CDK17: variants seen among roughly 807,000 people sequenced by gnomAD.
The protein encoded by CDK17 is cyclin-dependent kinase 17.
CDK17 carries 24 observed loss-of-function variants against 77.6 expected under a neutral mutation model. The ratio of observed to expected loss-of-function variants is 0.31; its 90% CI spans 0.22 to 0.44. The LOEUF (loss-of-function observed/expected upper bound fraction) is 0.44. Ranked by LOEUF, CDK17 falls within the 20% of genes least tolerant of loss-of-function variation. CDK17 has a pLI of 1.00. For synonymous variants in CDK17, 203 were observed against 210.4 expected, an observed-to-expected ratio of 0.96 and a Z score of 0.30; for missense variants, 429 against 622.5, an observed-to-expected ratio of 0.69 and a Z score of 3.31.
chr12:96,381,397 G>GTACAA (rs1953877962), intron 1 of CDK17, among the ~76,000 whole-genome samples: 1 of 150,330 alleles, frequency 6.7e-6, no homozygotes, highest in Non-Finnish European at 1.5e-5. Context: ...TCTTTACAGT[G>GTACAA]TACAACCTAG....
At chr12:96,342,171 C>T (rs1454239420) in intron 1 of CDK17, among the ~76,000 whole-genome samples, 2 of 152,106 alleles carry the variant, frequency 1.3e-5, no homozygotes, top group East Asian at 1.9e-4. Context: ...TTCTTCATAA[C>T]ATTTTCAGCA....
intron 10 of CDK17, among the ~76,000 whole-genome samples, chr12:96,294,322 T>A (rs983181020): frequency 1.3e-5 from 2 of 152,126 alleles, no homozygotes; most frequent in African/African-American, 4.8e-5. Flanking sequence ...CTGGGCATGG[T>A]GGCTCATGCC....
chr12:96,358,145 CT>C (rs1953429730), intron 1 of CDK17, among the ~76,000 whole-genome samples: 1 of 151,482 alleles, frequency 6.6e-6, no homozygotes, highest in Admixed American at 6.6e-5. Flanking sequence ...ATATATAATG[CT>C]TTTTAAAAAT....
At chr12:96,280,775 A>G in intron 16 of CDK17, 33 bp downstream of exon 16, 1 of 1,605,090 alleles carries the variant, frequency 6.2e-7, no homozygotes, top group East Asian at 2.2e-5. Flanking sequence ...AAAATTCATG[A>G]TCGACACGTG....
At chr12:96,354,773 A>C (rs140933487) in intron 1 of CDK17, among the ~76,000 whole-genome samples, 1,603 of 152,180 alleles carry the variant, frequency 0.011, 48 homozygotes, top group Admixed American at 0.064. Flanking sequence ...AGTTCCAGCT[A>C]CTCAGGAGGC....
intron 3 of CDK17, among the ~76,000 whole-genome samples, chr12:96,322,801 T>G (rs1007479537): frequency 5.3e-5 from 8 of 152,202 alleles, no homozygotes; most frequent in African/African-American, 1.9e-4. Context: ...TTTGTAAACT[T>G]ATATAATTTA....
At chr12:96,304,699 C>G (rs964389517) in intron 5 of CDK17, among the ~76,000 whole-genome samples, 1 of 152,224 alleles carries the variant, frequency 6.6e-6, no homozygotes, top group Non-Finnish European at 1.5e-5. Context: ...TCTACTCAGT[C>G]ACTTTGTCTT....
intron 1 of CDK17, among the ~76,000 whole-genome samples, chr12:96,356,022 T>C (rs1953388132): frequency 6.6e-6 from 1 of 152,128 alleles, no homozygotes; most frequent in Admixed American, 6.5e-5. Context: ...ATTCATTCAT[T>C]TCAACAAACA....
intron 2 of CDK17, among the ~76,000 whole-genome samples, chr12:96,331,633 A>G (rs1326896376): frequency 2.0e-5 from 3 of 152,224 alleles, no homozygotes; most frequent in Non-Finnish European, 4.4e-5. Flanking sequence ...TTATCAAAAT[A>G]AGAGAGATAA....
At chr12:96,311,601 C>CTTTTTTTTTTTTTTTTTTTTTT (rs1592719896) in intron 4 of CDK17, among the ~76,000 whole-genome samples, 8 of 95,636 alleles carry the variant, frequency 8.4e-5, no homozygotes, top group African/African-American at 2.9e-4. Flanking sequence ...GGCATTTCTA[C>CTTTTTTTTTTTTTTTTTTTTTT]TTTATTTAAT....
intron 1 of CDK17, among the ~76,000 whole-genome samples, chr12:96,379,581 A>T (rs535330291): frequency 2.7e-4 from 41 of 152,014 alleles, no homozygotes; most frequent in Admixed American, 9.2e-4. Flanking sequence ...ACACATTACT[A>T]TGCCTGGCTA....
intron 1 of CDK17, among the ~76,000 whole-genome samples, chr12:96,340,101 G>C (rs759219372): frequency 2.0e-5 from 3 of 151,714 alleles, no homozygotes; most frequent in Non-Finnish European, 2.9e-5. Context: ...TGCTGACATA[G>C]AGCATTTTAT....
At chr12:96,304,025 C>T (rs1952542596) in intron 5 of CDK17, among the ~76,000 whole-genome samples, 1 of 151,896 alleles carries the variant, frequency 6.6e-6, no homozygotes, top group Non-Finnish European at 1.5e-5. Flanking sequence ...ACTAATAAAA[C>T]AAATAACCAT....
intron 1 of CDK17, among the ~76,000 whole-genome samples, chr12:96,391,522 C>T (rs1954067964): frequency 6.6e-6 from 1 of 152,046 alleles, no homozygotes; most frequent in Admixed American, 6.6e-5. Context: ...AACCCCTGAC[C>T]TCAAGTGATC....
rs544474310 is a variant in CDK17 at position 96,332,398 on chromosome 12, T to C, written c.118+2321A>G. 1.3e-4 allele frequency among the ~76,000 whole-genome samples: 20 copies of C among 152,368 alleles called. No individual in the cohort carries two copies. In the South Asian group the frequency reaches 4.1e-3, roughly 32 times the overall value. ...TGCTTCATAAACTGCTTACATTGTA[T>C]GTGAGAAGATAACTTTAAAAGTATA... On this transcript the variant is annotated intron_variant, in intron 2 of 16. Transcript: ENST00000261211.
At chr12:96,280,710 T>A in intron 16 of CDK17, 98 bp downstream of exon 16, 1 of 1,540,474 alleles carries the variant, frequency 6.5e-7, no homozygotes, top group Non-Finnish European at 8.7e-7. Context: ...TACATTGGTT[T>A]TTACATCAAT....
chr12:96,394,735 T>C (rs1954138705), intron 1 of CDK17, among the ~76,000 whole-genome samples: 1 of 149,148 alleles, frequency 6.7e-6, no homozygotes, highest in Admixed American at 6.7e-5. Context: ...CGAGAATAGC[T>C]TGAGATCACG....
chr12:96,282,261 A>C (rs1952187920), intron 15 of CDK17: 2 of 350,558 alleles, frequency 5.7e-6, no homozygotes, highest in South Asian at 2.0e-4. Flanking sequence ...AAGTCCAATA[A>C]GATTAATGAT....
chr12:96,327,285 TATC>T (rs1384644685), intron 2 of CDK17, among the ~76,000 whole-genome samples: 4 of 152,296 alleles, frequency 2.6e-5, no homozygotes, highest in Admixed American at 6.5e-5. Flanking sequence ...TTTTTTAAGA[TATC>T]ATCTTGGTTG....
Sources: gnomAD v4.1 joint callset for allele counts (sites outside exome capture counted in the v4.1 genomes callset) on GRCh38, gnomAD v4.1.1 for gene constraint, MANE v1.5 for transcripts, NCBI Gene and HGNC (gene_info 2026-07-23, HGNC 2026-07-21) for gene names.